The following LSAMP variants were observed in gnomAD, a reference collection of about 807,000 sequenced individuals.
LSAMP encodes the protein limbic system associated membrane protein, also known as limbic system-associated membrane protein.
LSAMP carries 7 observed loss-of-function variants against 38.6 expected under a neutral mutation model. The ratio of observed to expected loss-of-function variants is 0.18; its 90% confidence interval spans 0.10 to 0.34. The LOEUF (loss-of-function observed/expected upper bound fraction) is 0.34, where lower values mean the gene tolerates loss of function less well. Ranked by LOEUF, LSAMP falls within the 10% of genes least tolerant of loss-of-function variation. The probability of loss-of-function intolerance (pLI) is 1.00; values close to 1 mark genes in which losing one functional copy is unlikely to be tolerated. For missense variants in LSAMP, 313 were observed against 420.0 expected (o/e 0.75, Z 2.23); for synonymous variants, 154 against 166.8 (o/e 0.92, Z 0.59).
At chr3:115,842,339 A>G (rs1935023573) in intron 5 of LSAMP, 119 bp downstream of exon 5, 4 of 1,297,730 alleles carry the variant, frequency 3.1e-6, no homozygotes, top group South Asian at 1.6e-5. Flanking sequence ...AAAAAGGAAG[A>G]GTGTGAGAAT....
At chr3:116,381,009 C>A (rs1403702945) in intron 1 of LSAMP, among the ~76,000 whole-genome samples, 2 of 151,970 alleles carry the variant, frequency 1.3e-5, no homozygotes, top group African/African-American at 4.8e-5. Context: ...AAAATGAATT[C>A]TGACAAAATG....
intron 1 of LSAMP, among the ~76,000 whole-genome samples, chr3:116,296,024 G>C (rs951458918): frequency 6.6e-6 from 1 of 152,146 alleles, no homozygotes; most frequent in Non-Finnish European, 1.5e-5. Context: ...GTGTGTGCTG[G>C]AAGAGCTGAA....
At chr3:116,230,217 T>G (rs1333036772) in intron 1 of LSAMP, among the ~76,000 whole-genome samples, 1 of 152,036 alleles carries the variant, frequency 6.6e-6, no homozygotes, top group Non-Finnish European at 1.5e-5. Flanking sequence ...TTCACACTTG[T>G]GGGTAGAATA....
intron 1 of LSAMP, among the ~76,000 whole-genome samples, chr3:116,387,323 C>T (rs1328043380): frequency 6.6e-6 from 1 of 151,932 alleles, no homozygotes; most frequent in Non-Finnish European, 1.5e-5. Context: ...TAATGTCCAG[C>T]ATTATAAATA....
intron 1 of LSAMP, among the ~76,000 whole-genome samples, chr3:116,342,157 A>G (rs1009154471): frequency 2.0e-5 from 3 of 151,972 alleles, no homozygotes; most frequent in Admixed American, 6.6e-5. Flanking sequence ...TGTCATTGGA[A>G]AGTACTGGAG....
chr3:116,398,385 T>C lies in LSAMP; in HGVS notation c.155+46492A>G, dbSNP rs546696767. On this transcript the variant is annotated intron_variant, in intron 1 of 6. Transcript: ENST00000490035. Reference sequence around the variant, plus strand: ...GTAATCAGAGACATCGCTTCTCTAATTGCTAAATCCCCAGTCCATAGGAGA... The same window carrying C: ...GTAATCAGAGACATCGCTTCTCTAACTGCTAAATCCCCAGTCCATAGGAGA... Among the ~76,000 whole-genome samples the C allele has an allele frequency of 2.4e-4, 37 of 152,324 alleles. No individual in the cohort carries two copies. In the South Asian group the frequency reaches 7.0e-3, roughly 29 times the overall value.
At chr3:115,817,511 G>T (rs1358894180) in intron 6 of LSAMP, among the ~76,000 whole-genome samples, 5 of 151,914 alleles carry the variant, frequency 3.3e-5, no homozygotes, top group African/African-American at 9.7e-5. Context: ...TTAAATATTT[G>T]GTTTCTCTTT....
At chr3:116,213,221 C>T (rs1016107831) in intron 1 of LSAMP, among the ~76,000 whole-genome samples, 25 of 152,072 alleles carry the variant, frequency 1.6e-4, no homozygotes, top group Admixed American at 1.2e-3. Context: ...TGTCCCCACC[C>T]GAATCTCATA....
intron 6 of LSAMP, among the ~76,000 whole-genome samples, chr3:115,819,998 T>G (rs1052137910): frequency 6.6e-6 from 1 of 150,958 alleles, no homozygotes; most frequent in Admixed American, 6.6e-5. Flanking sequence ...GTCCACGAGG[T>G]GGCAATAGTG....
chr3:116,273,304 C>T (rs951181339), intron 1 of LSAMP, among the ~76,000 whole-genome samples: 1 of 152,006 alleles, frequency 6.6e-6, no homozygotes, highest in African/African-American at 2.4e-5. Context: ...TGACCAGCCA[C>T]ACTCTACCTA....
At chr3:116,375,191 A>G (rs1240039936) in intron 1 of LSAMP, among the ~76,000 whole-genome samples, 2 of 151,932 alleles carry the variant, frequency 1.3e-5, no homozygotes, top group Admixed American at 6.6e-5. Flanking sequence ...TGACTAAGAG[A>G]AGAAAAGGTG....
At chr3:116,126,896 G>T (rs936057978) in intron 1 of LSAMP, among the ~76,000 whole-genome samples, 1 of 152,148 alleles carries the variant, frequency 6.6e-6, no homozygotes, top group African/African-American at 2.4e-5. Flanking sequence ...TCCAGCTAGG[G>T]AGATGAGGAA....
chr3:116,334,864 T>C (rs376793557), intron 1 of LSAMP, among the ~76,000 whole-genome samples: 3 of 152,004 alleles, frequency 2.0e-5, no homozygotes, highest in East Asian at 3.9e-4. Context: ...CTATTCAACA[T>C]AGTACTGGAA....
At chr3:115,979,140 T>A (rs1939279528) in intron 3 of LSAMP, among the ~76,000 whole-genome samples, 1 of 151,720 alleles carries the variant, frequency 6.6e-6, no homozygotes, top group African/African-American at 2.4e-5. Context: ...AGATTTTTTT[T>A]AAAAGGAGTG....
At chr3:116,113,021 T>C (rs773767240) in intron 1 of LSAMP, among the ~76,000 whole-genome samples, 68 of 151,838 alleles carry the variant, frequency 4.5e-4, no homozygotes, top group Non-Finnish European at 8.2e-4. Flanking sequence ...GAAATGTATC[T>C]ACAACAAATA....
intron 1 of LSAMP, among the ~76,000 whole-genome samples, chr3:116,118,617 C>T (rs757735195): frequency 6.6e-6 from 1 of 152,116 alleles, no homozygotes; most frequent in Non-Finnish European, 1.5e-5. Context: ...GATCCATCGT[C>T]TTTCCACAGA....
chr3:116,149,120 A>G (rs920673529), intron 1 of LSAMP, among the ~76,000 whole-genome samples: 1 of 151,968 alleles, frequency 6.6e-6, no homozygotes, highest in Non-Finnish European at 1.5e-5. Context: ...TTCTCTAGAG[A>G]GAGGGTTCAT....
At chr3:115,982,105 A>G (rs577444565) in intron 3 of LSAMP, among the ~76,000 whole-genome samples, 1 of 152,360 alleles carries the variant, frequency 6.6e-6, no homozygotes, top group South Asian at 2.1e-4. Context: ...AGTATAAAAT[A>G]AAACTTAATC....
chr3:116,318,002 G>C (rs992561386), intron 1 of LSAMP, among the ~76,000 whole-genome samples: 4 of 151,550 alleles, frequency 2.6e-5, no homozygotes, highest in Admixed American at 6.6e-5. Context: ...CAGGCGTGGT[G>C]GTGGGTGCCT....
Sources: allele counts gnomAD v4.1 joint callset (sites outside exome capture counted in the v4.1 genomes callset), GRCh38; gene constraint gnomAD v4.1.1; transcripts MANE v1.5; gene names NCBI Gene and HGNC (gene_info 2026-07-23, HGNC 2026-07-21).